SLC31A1: variants seen among roughly 807,000 people sequenced by gnomAD.
SLC31A1 encodes high affinity copper uptake protein 1.
SLC31A1 carries 5 observed loss-of-function variants against 17.2 expected under a neutral mutation model. That is an observed-to-expected ratio of 0.29 (90% CI 0.15 to 0.61). SLC31A1 has a LOEUF of 0.61. SLC31A1 is among the 20% of genes least tolerant of loss of function. The pLI, the probability that SLC31A1 is intolerant of heterozygous loss-of-function variation, is 0.86. For missense variants in SLC31A1, 161 were observed against 241.4 expected, an observed-to-expected ratio of 0.67 and a Z score of 2.21; for synonymous variants, 76 against 78.8, an observed-to-expected ratio of 0.96 and a Z score of 0.19.
At chr9:113,256,393 T>C in intron 2 of SLC31A1, 116 bp downstream of exon 2, 1 of 1,219,134 alleles carries the variant, frequency 8.2e-7, no homozygotes, top group Admixed American at 2.3e-5. Flanking sequence ...CCAGTGAGGA[T>C]AACTAAAGCA....
At chr9:113,239,912 C>G (rs1284669995) in intron 1 of SLC31A1, among the ~76,000 whole-genome samples, 1 of 152,042 alleles carries the variant, frequency 6.6e-6, no homozygotes, top group Non-Finnish European at 1.5e-5. Flanking sequence ...TTTATGCTTC[C>G]CTCTTCAACC....
At chr9:113,250,897 G>A (rs974622041) in intron 1 of SLC31A1, among the ~76,000 whole-genome samples, 39 of 152,140 alleles carry the variant, frequency 2.6e-4, no homozygotes, top group Admixed American at 2.6e-4. Flanking sequence ...GAATGGATTC[G>A]TTCCTGCAAG....
At chr9:113,224,783 A>G (rs535523995) in intron 1 of SLC31A1, among the ~76,000 whole-genome samples, 1 of 152,238 alleles carries the variant, frequency 6.6e-6, no homozygotes, top group Non-Finnish European at 1.5e-5. Flanking sequence ...TGTTTTAGAA[A>G]TAACTACTAG....
In SLC31A1 at chr9:113,260,380, C is replaced by T. The variant is rs567358599; in HGVS notation, c.480C>T (p.Leu160=). 20 of 1,614,216 alleles carry T rather than the reference C, an allele frequency of 1.2e-5. No individual in the cohort carries two copies. In the East Asian group the frequency reaches 4.5e-4, roughly 36 times the overall value. The change falls in exon 5 of 5, where the codon CTC becomes CTT. Residue 160 remains leucine, a synonymous_variant. Transcript: ENST00000374212. The part of the protein sequence containing the change: ...MLIFMTYNGY[L]CIAVAAGAGT... ...TCTTCATGACCTACAACGGGTACCTCTGCATTGCAGTAGCAGCAGGGGCCG... is the reference window on the plus strand; with the variant it reads ...TCTTCATGACCTACAACGGGTACCTTTGCATTGCAGTAGCAGCAGGGGCCG...
At position 113,263,839 on chromosome 9, in the gene SLC31A1, T is replaced by A. The variant is rs2118527750; in HGVS notation, c.*3366T>A. The A allele has an allele frequency of 6.6e-6, 1 of 152,332 alleles. No individual in the cohort carries two copies. The highest frequency in any genetic ancestry group is 2.1e-4 in the South Asian group (1 of 4,820). 9.4% of individuals were successfully genotyped at this position (152,332 alleles called of 1,614,324 possible). A position where few individuals can be genotyped will look rare whatever the true frequency, so the allele number is the denominator to read the frequency against. On this transcript the variant is annotated 3_prime_UTR_variant, in exon 5 of 5. Transcript: ENST00000374212. ...ATCCTCACTGTATCCACTAGGAGATTAGAAATTAAGGTTTCTTCACTACTT... is the reference window on the plus strand; with the variant it reads ...ATCCTCACTGTATCCACTAGGAGATAAGAAATTAAGGTTTCTTCACTACTT...
chr9:113,256,408 C>G (rs1831729021), intron 2 of SLC31A1, 131 bp downstream of exon 2: 4 of 978,508 alleles, frequency 4.1e-6, no homozygotes, highest in Non-Finnish European at 6.0e-6. Flanking sequence ...AAAGCAGACC[C>G]AAGCAAGTCA....
At chr9:113,252,906 G>C (rs560280916) in intron 1 of SLC31A1, among the ~76,000 whole-genome samples, 1 of 149,988 alleles carries the variant, frequency 6.7e-6, no homozygotes, top group South Asian at 2.1e-4. Flanking sequence ...TTATGAGGAT[G>C]TGTCAGTAGT....
chr9:113,237,069 C>A (rs1042642100), intron 1 of SLC31A1, among the ~76,000 whole-genome samples: 1 of 152,116 alleles, frequency 6.6e-6, no homozygotes, highest in Non-Finnish European at 1.5e-5. Flanking sequence ...CCTGAAAATA[C>A]AAATAGTAGA....
intron 1 of SLC31A1, among the ~76,000 whole-genome samples, chr9:113,237,354 G>A (rs1831471090): frequency 6.6e-6 from 1 of 152,172 alleles, no homozygotes; most frequent in Non-Finnish European, 1.5e-5. Context: ...CAGAGCACTA[G>A]GATAGCTTGA....
At chr9:113,245,450 G>A (rs554479148) in intron 1 of SLC31A1, among the ~76,000 whole-genome samples, 4 of 152,110 alleles carry the variant, frequency 2.6e-5, no homozygotes, top group Non-Finnish European at 5.9e-5. Context: ...CATCGCACCC[G>A]GCCTCTGTCA....
chr9:113,248,209 G>A (rs1255499957), intron 1 of SLC31A1, among the ~76,000 whole-genome samples: 3 of 151,834 alleles, frequency 2.0e-5, no homozygotes, highest in Non-Finnish European at 4.4e-5. Flanking sequence ...CTGTAGTCCC[G>A]GCTACTTGGG....
intron 1 of SLC31A1, among the ~76,000 whole-genome samples, chr9:113,241,780 T>G (rs1831524307): frequency 6.6e-6 from 1 of 152,196 alleles, no homozygotes; most frequent in Admixed American, 6.5e-5. Context: ...GAGAAGGAAT[T>G]TTAGAATACT....
rs974633150 is a variant in SLC31A1 at position 113,258,428 on chromosome 9, T to C, written c.203-266T>C. 3.9e-5 allele frequency among the ~76,000 whole-genome samples: 6 copies of C among 152,222 alleles called. No individual in the cohort carries two copies. The highest frequency in any genetic ancestry group is 1.4e-4 in the African/African-American group (6 of 41,466). ...GTGTAACAAACCTAATTTAATGATA[T>C]CAAGCAGTCTGACCAAAAGGTTATT... On this transcript the variant is annotated intron_variant, in intron 3 of 4. Coordinates refer to ENST00000374212, the MANE Select transcript of SLC31A1 (RefSeq NM_001859.4). The surrounding 1 kb of genome is among the most constrained non-coding windows in gnomAD (Gnocchi z 4.8).
intron 1 of SLC31A1, among the ~76,000 whole-genome samples, chr9:113,250,567 T>C (rs1489591863): frequency 2.7e-5 from 4 of 148,936 alleles, no homozygotes; most frequent in Non-Finnish European, 3.0e-5. Flanking sequence ...CTGGGAGATA[T>C]ACCTAATGCT....
At chr9:113,243,856 A>G (rs572650422) in intron 1 of SLC31A1, among the ~76,000 whole-genome samples, 2 of 152,306 alleles carry the variant, frequency 1.3e-5, no homozygotes, top group African/African-American at 4.8e-5. Flanking sequence ...TTATGAGTAA[A>G]GAAGCTATTC....
At chr9:113,222,545 G>A (rs2118977218) in intron 1 of SLC31A1, among the ~76,000 whole-genome samples, 1 of 152,330 alleles carries the variant, frequency 6.6e-6, no homozygotes, top group South Asian at 2.1e-4. Context: ...ACTCACTGGA[G>A]TTCTTGGGCT....
chr9:113,250,991 C>T (rs1831645196), intron 1 of SLC31A1, among the ~76,000 whole-genome samples: 1 of 152,198 alleles, frequency 6.6e-6, no homozygotes, highest in Non-Finnish European at 1.5e-5. Flanking sequence ...CCCAAAGATG[C>T]TGGCACCATG....
At chr9:113,237,077 A>G (rs1427379507) in intron 1 of SLC31A1, among the ~76,000 whole-genome samples, 2 of 152,254 alleles carry the variant, frequency 1.3e-5, no homozygotes, top group Non-Finnish European at 2.9e-5. Context: ...TACAAATAGT[A>G]GAAAGGCATT....
At chr9:113,252,951 TTTC>T (rs1157700382) in intron 1 of SLC31A1, among the ~76,000 whole-genome samples, 11,507 of 111,470 alleles carry the variant, frequency 0.1, 690 homozygotes, top group East Asian at 0.26. Context: ...CTTTTCTTTT[TTTC>T]TTTTTTTTTT....
Sources: allele counts gnomAD v4.1 joint callset (sites outside exome capture counted in the v4.1 genomes callset), GRCh38; gene constraint gnomAD v4.1.1; non-coding constraint Gnocchi (gnomAD v3.1); transcripts MANE v1.5; gene names NCBI Gene and HGNC (gene_info 2026-07-23, HGNC 2026-07-21).